The following SPOCD1 variants were observed in gnomAD, a reference collection of about 807,000 sequenced individuals.
SPOCD1 encodes the protein SPOC domain-containing protein 1.
A neutral mutation model predicts 92.2 loss-of-function variants in SPOCD1; 64 were observed. The ratio of observed to expected loss-of-function variants is 0.69; its 90% CI spans 0.57 to 0.86. The LOEUF (loss-of-function observed/expected upper bound fraction) is 0.86. SPOCD1 is among the 40% of genes least tolerant of loss of function. The pLI, the probability that SPOCD1 is intolerant of heterozygous loss-of-function variation, is 0.00. For missense variants in SPOCD1, 1,360 were observed against 1,543.1 expected, an observed-to-expected ratio of 0.88 and a Z score of 1.99; for synonymous variants, 578 against 619.3, an observed-to-expected ratio of 0.93 and a Z score of 0.99.
chr1:31,799,846 A>G lies in SPOCD1; in HGVS notation c.1746T>C (p.Ala582=), dbSNP rs749373597. The G allele has an allele frequency of 1.5e-5, 25 of 1,614,024 alleles. No individual in the cohort carries two copies. Among genetic ancestry groups the G allele is most frequent in the Non-Finnish European group, 1.9e-5 (23 of 1,180,030 alleles). ...GCTGCTCCGGAAGAGAATCCTCTTC[A>G]GCCTCCATTGGGCCACTCTGTAGGG... ...PACSQSGPME[A]EEDSLPEQPE... is the part of the protein sequence containing the mutation. Residue 582 remains alanine, a synonymous_variant, in exon 6 of 16, where the codon GCT becomes GCC. Coordinates refer to ENST00000360482, the MANE Select transcript of SPOCD1 (RefSeq NM_144569.7).
Position 31,791,266 on chromosome 1 carries a change from A to G in SPOCD1, c.2988T>C (p.Pro996=), listed in dbSNP as rs1301128347. 4.5e-6 allele frequency: 7 copies of G among 1,547,274 alleles called. No individual in the cohort carries two copies. The Admixed American group carries it at 1.4e-4, about 30-fold the overall frequency. ...TGACCTCCAGACCTGGGGAAAGGAG[A>G]GGGGAGACAGGAAGAGCCCAAAGGC... The part of the protein sequence containing the change: ...GPGLWALPVS[P]LLSPGLEVTH... Residue 996 remains proline (P), a synonymous_variant, in exon 16 of 16, where the codon CCT becomes CCC. Coordinates refer to ENST00000360482, the MANE Select transcript of SPOCD1 (RefSeq NM_144569.7).
chr1:31,809,685 AG>A (rs1161846852), intron 2 of SPOCD1, among the ~76,000 whole-genome samples: 2 of 152,192 alleles, frequency 1.3e-5, no homozygotes, highest in Non-Finnish European at 2.9e-5. Flanking sequence ...TTTTCTCATC[AG>A]TAGCATGAAG....
Position 31,805,651 on chromosome 1 carries a change from G to A in SPOCD1, c.1384-3946C>T, listed in dbSNP as rs373726677. Among the ~76,000 whole-genome samples, 63 of 152,020 alleles carry A rather than the reference G, an allele frequency of 4.1e-4. 1 individual carries two copies. The highest frequency in any genetic ancestry group is 1.4e-3 in the African/African-American group (57 of 41,476). ...GCTGAGGTGGGAGAATTGTGAGCCC[G>A]GGAGATCAAAGCTGCAGTGAGCTAT... On this transcript the variant is annotated intron_variant, in intron 2 of 15. Coordinates refer to ENST00000360482, the MANE Select transcript of SPOCD1 (RefSeq NM_144569.7).
At chr1:31,803,822 AAGG>A (rs773500021) in intron 2 of SPOCD1, among the ~76,000 whole-genome samples, 37 of 150,884 alleles carry the variant, frequency 2.5e-4, no homozygotes, top group Non-Finnish European at 4.9e-4. Context: ...AAAGGAGAAG[AAGG>A]AGGAGGAGGA....
intron 2 of SPOCD1, among the ~76,000 whole-genome samples, chr1:31,805,042 C>T (rs75570615): frequency 0.11 from 14,106 of 134,050 alleles, 919 homozygotes; most frequent in South Asian, 0.35. Flanking sequence ...AATGCAGTGG[C>T]ATGATCTTGG....
At position 31,792,704 on chromosome 1, in the gene SPOCD1, C is replaced by T. The variant is rs915145193; in HGVS notation, c.2749G>A (p.Ala917Thr). 6.2e-7 allele frequency: 1 copy of T among 1,605,860 alleles called. No homozygotes were observed. The highest frequency in any genetic ancestry group is 8.5e-7 in the Non-Finnish European group (1 of 1,176,814). Residue 917 changes from alanine to threonine, a missense_variant, in exon 14 of 16, where the codon GCC becomes ACC. By Grantham distance (58) the Ala-to-Thr change is moderately conservative (BLOSUM62 0). Transcript: ENST00000360482. Reference protein sequence around the residue: ...IPSNIVWDLLASICPAKAKDV... With the variant: ...IPSNIVWDLLTSICPAKAKDV... ...TTGGCCTTGGCTGGGCAGATGCTGG[C>T]CAGAAGGTCCCAGACAATGTTGGAG...
chr1:31,794,256 G>A, intron 10 of SPOCD1, 21 bp from the exon 11 acceptor site: 2 of 1,592,328 alleles, frequency 1.3e-6, no homozygotes, highest in African/African-American at 1.3e-5. Context: ...GAAGACAGAG[G>A]GGCAGGCTGA....
intron 9 of SPOCD1, among the ~76,000 whole-genome samples, chr1:31,797,330 G>A (rs1648097413): frequency 6.6e-6 from 1 of 152,212 alleles, no homozygotes; most frequent in African/African-American, 2.4e-5. Flanking sequence ...GATCAGCCTC[G>A]TGGGCATGAG....
chr1:31,805,605 G>A (rs931102102), intron 2 of SPOCD1, among the ~76,000 whole-genome samples: 4 of 151,998 alleles, frequency 2.6e-5, no homozygotes, highest in Admixed American at 6.6e-5. Context: ...GCATGCACCC[G>A]TAGTCCCAGC....
At chr1:31,803,604 G>C (rs901480951) in intron 2 of SPOCD1, among the ~76,000 whole-genome samples, 1 of 151,834 alleles carries the variant, frequency 6.6e-6, no homozygotes, top group Non-Finnish European at 1.5e-5. Flanking sequence ...AGCCAGGCAT[G>C]GTGGTGTGTA....
intron 9 of SPOCD1, among the ~76,000 whole-genome samples, chr1:31,797,395 C>T (rs1338878559): frequency 6.6e-6 from 1 of 152,236 alleles, no homozygotes; most frequent in Admixed American, 6.5e-5. Context: ...TGGTTTAGCG[C>T]TCTGTTGTTG....
At chr1:31,799,533 G>A in intron 6 of SPOCD1, 48 bp from the exon 7 acceptor site, 1 of 1,531,050 alleles carries the variant, frequency 6.5e-7, no homozygotes, top group Non-Finnish European at 9.0e-7. Flanking sequence ...CAGGGGAAAG[G>A]GGAGGGGGCT....
chr1:31,800,758 T>C, intron 3 of SPOCD1, 141 bp from the exon 4 acceptor site: 1 of 716,716 alleles, frequency 1.4e-6, no homozygotes, highest in East Asian at 2.8e-5. Flanking sequence ...ATGCCTGTCC[T>C]GGTCCCCGCT....
At chr1:31,804,634 A>G (rs1199708703) in intron 2 of SPOCD1, among the ~76,000 whole-genome samples, 3 of 152,244 alleles carry the variant, frequency 2.0e-5, no homozygotes, top group Non-Finnish European at 4.4e-5. Flanking sequence ...TTGCTCAATA[A>G]ACAAAATGCT....
rs117600791 is a variant in SPOCD1 at position 31,813,141 on chromosome 1, A to C, written c.1383+810T>G. Among the ~76,000 whole-genome samples the C allele has an allele frequency of 3.0e-4, 46 of 152,342 alleles. No homozygotes were observed. The East Asian group carries it at 8.3e-3, about 27-fold the overall frequency. On this transcript the variant is annotated intron_variant, in intron 2 of 15. Coordinates refer to ENST00000360482, the MANE Select transcript of SPOCD1 (RefSeq NM_144569.7). Reference sequence around the variant, plus strand: ...GAATATTATTAACCCTCCGAGCCTCAGTTTCCCCATCTGGTTATATGGGGC... The same window carrying C: ...GAATATTATTAACCCTCCGAGCCTCCGTTTCCCCATCTGGTTATATGGGGC...
chr1:31,814,934 T>A lies in SPOCD1; in HGVS notation c.400A>T (p.Lys134Ter). The change falls in exon 2 of 16, where the codon AAA (lysine) becomes TAA (stop). Residue 134 changes from lysine to a stop codon, truncating the protein, a stop_gained. Coordinates refer to ENST00000360482, the MANE Select transcript of SPOCD1 (RefSeq NM_144569.7). LOFTEE classifies it high-confidence loss of function. The surrounding 1 kb of genome is among the most constrained non-coding windows in gnomAD (Gnocchi z 4.2). Reference sequence around the variant, plus strand: ...AGGCCAGCAGACCTGCTACAAAGTTTCCTGGGGCAACTGTCATCTAAGATG... The same window carrying A: ...AGGCCAGCAGACCTGCTACAAAGTTACCTGGGGCAACTGTCATCTAAGATG... ...CDILDDSCPRKLCSRSAGLPE... is the reference protein window; with the variant it reads ...CDILDDSCPR The A allele has an allele frequency of 6.2e-7, 1 of 1,613,878 alleles. No individual in the cohort carries two copies. The highest frequency in any genetic ancestry group is 8.5e-7 in the Non-Finnish European group (1 of 1,179,994).
rs1304016950 is a variant in SPOCD1 at position 31,798,874 on chromosome 1, G to A, written c.1869-273C>T. 6 of 573,688 alleles carry A rather than the reference G, an allele frequency of 1.0e-5. No homozygotes were observed. The highest frequency in any genetic ancestry group is 2.9e-5 in the East Asian group (1 of 34,146). The allele number at this position is 573,688 out of a possible 1,614,324, so 35.5% of individuals were successfully genotyped here. ...GTGGCAAAAGCAAGATTTGAAACTC[G>A]ACTGTCTGACTCACCAGCCTGTGCC... is the stretch of plus-strand genomic sequence containing the variant. On this transcript the variant is annotated intron_variant, in intron 7 of 15. Transcript: ENST00000360482. This position sits in a 1 kb window ranked among gnomAD's most constrained non-coding sequence, Gnocchi z 4.1.
chr1:31,814,067 T>A lies in SPOCD1; in HGVS notation c.1267A>T (p.Lys423Ter), dbSNP rs1378625940. ...GGCACTGGACCTTTCTTCAGGTTCT[T>A]AGTGCCCTTGGATCTTCTCTGCTCC... ...FMEQRRSKGT[K>*]NLKKGPVPCA... The change falls in exon 2 of 16, where the codon AAG becomes TAG. Residue 423 changes from lysine (K) to a stop codon, truncating the protein, a stop_gained. Coordinates refer to ENST00000360482, the MANE Select transcript of SPOCD1 (RefSeq NM_144569.7). LOFTEE classifies it high-confidence loss of function. The surrounding 1 kb of genome is among the most constrained non-coding windows in gnomAD (Gnocchi z 4.2). The A allele has an allele frequency of 1.2e-6, 2 of 1,613,760 alleles. No individual in the cohort carries two copies. Among genetic ancestry groups the A allele is most frequent in the South Asian group, 1.1e-5 (1 of 90,928 alleles).
chr1:31,806,979 C>T (rs561782793), intron 2 of SPOCD1, among the ~76,000 whole-genome samples: 20 of 152,242 alleles, frequency 1.3e-4, no homozygotes, highest in South Asian at 8.3e-4. Context: ...TAGACACAAG[C>T]GGCCAGTGGC....
Sources: gnomAD v4.1 joint callset for allele counts (sites outside exome capture counted in the v4.1 genomes callset) on GRCh38, gnomAD v4.1.1 for gene constraint, Gnocchi (gnomAD v3.1) non-coding constraint, MANE v1.5 for transcripts, NCBI Gene and HGNC (gene_info 2026-07-23, HGNC 2026-07-21) for gene names.